TRPC1: variants seen among roughly 807,000 people sequenced by gnomAD.
The protein encoded by TRPC1 is transient receptor potential cation channel subfamily C member 1, also known as short transient receptor potential channel 1.
A neutral mutation model predicts 88.2 loss-of-function variants in TRPC1; 42 were observed. The ratio of observed to expected loss-of-function variants is 0.48; its 90% CI spans 0.37 to 0.62. The LOEUF is 0.62. Among genes scored for constraint, TRPC1 ranks in the 20% least tolerant of loss-of-function variants. The pLI is 0.00. For missense variants in TRPC1, 699 were observed against 957.3 expected (o/e 0.73, Z 3.56); for synonymous variants, 288 against 331.8 (o/e 0.87, Z 1.43).
chr3:142,739,526 A>AT (rs1217687942), intron 2 of TRPC1, among the ~76,000 whole-genome samples: 2 of 152,208 alleles, frequency 1.3e-5, no homozygotes, highest in East Asian at 3.8e-4. Flanking sequence ...TTGATTTAGC[A>AT]TTTTTGAACA....
In TRPC1 at chr3:142,785,049, C is replaced by CA. The variant is rs1560113890; in HGVS notation, c.1297+11dup. 6.4e-7 allele frequency: 1 copy of CA among 1,572,106 alleles called. No homozygotes were observed. The highest frequency in any genetic ancestry group is 1.9e-5 in the Admixed American group (1 of 53,268). On this transcript the variant is annotated intron_variant, in intron 7 of 12. Coordinates refer to ENST00000476941, the MANE Select transcript of TRPC1 (RefSeq NM_001251845.2). ...TATTCTGTGGATTATTGGTAAGTAT[C>CA]AAGTTAGTTTGAAAGGTTTTGTCTT...
intron 2 of TRPC1, among the ~76,000 whole-genome samples, chr3:142,737,148 G>T (rs539502288): frequency 1.3e-5 from 2 of 151,896 alleles, no homozygotes; most frequent in South Asian, 2.1e-4. Flanking sequence ...GATTCTGAAG[G>T]GAATTTGATA....
At chr3:142,802,145 AC>A (rs754597048) in intron 9 of TRPC1, 23 bp from the exon 10 acceptor site, 36 of 1,432,314 alleles carry the variant, frequency 2.5e-5, no homozygotes, top group Non-Finnish European at 2.5e-5. Flanking sequence ...ATCTTAATGA[AC>A]ACCTGTGTAA....
intron 7 of TRPC1, among the ~76,000 whole-genome samples, chr3:142,790,302 A>G (rs1202898631): frequency 1.3e-5 from 2 of 152,104 alleles, no homozygotes; most frequent in Non-Finnish European, 2.9e-5. Context: ...CAGAGAGGAT[A>G]GGTAATTTGG....
chr3:142,756,238 T>C (rs1374988489), intron 4 of TRPC1, among the ~76,000 whole-genome samples: 1 of 152,196 alleles, frequency 6.6e-6, no homozygotes, highest in East Asian at 1.9e-4. Flanking sequence ...ATGTTTTTAT[T>C]TTTGTTGGGT....
chr3:142,729,120 G>T (rs932307810), intron 1 of TRPC1, among the ~76,000 whole-genome samples: 2 of 152,188 alleles, frequency 1.3e-5, no homozygotes, highest in African/African-American at 4.8e-5. Flanking sequence ...ACGGTTCAGG[G>T]ATACTTTAAC....
At chr3:142,774,502 C>A (rs1935687394) in intron 4 of TRPC1, among the ~76,000 whole-genome samples, 1 of 152,066 alleles carries the variant, frequency 6.6e-6, no homozygotes, top group African/African-American at 2.4e-5. Flanking sequence ...ATTTTGGCAC[C>A]CTGGCATGAA....
intron 4 of TRPC1, among the ~76,000 whole-genome samples, chr3:142,772,573 A>C (rs767957934): frequency 6.6e-6 from 1 of 152,152 alleles, no homozygotes; most frequent in African/African-American, 2.4e-5. Flanking sequence ...AGGCGGGTGA[A>C]TCACCTGAGA....
intron 4 of TRPC1, among the ~76,000 whole-genome samples, chr3:142,753,625 C>T (rs112763422): frequency 0.013 from 1,901 of 147,916 alleles, 50 homozygotes; most frequent in East Asian, 0.093. Context: ...ATTAGCTGGG[C>T]GTGGTGGCAT....
chr3:142,745,682 C>T (rs925176049), intron 3 of TRPC1, among the ~76,000 whole-genome samples: 1 of 152,164 alleles, frequency 6.6e-6, no homozygotes, highest in African/African-American at 2.4e-5. Context: ...TCTACTCTGT[C>T]TCTAACAAAT....
At chr3:142,762,922 A>G (rs936959590) in intron 4 of TRPC1, among the ~76,000 whole-genome samples, 1 of 152,038 alleles carries the variant, frequency 6.6e-6, no homozygotes, top group Non-Finnish European at 1.5e-5. Context: ...TAATTTCTTC[A>G]TTGACCCATT....
intron 4 of TRPC1, among the ~76,000 whole-genome samples, chr3:142,752,325 A>G (rs1352735856): frequency 1.3e-5 from 2 of 152,296 alleles, no homozygotes; most frequent in African/African-American, 4.8e-5. Context: ...AAAAGAATCT[A>G]TATCATGATT....
At chr3:142,779,655 A>C (rs547626875) in intron 5 of TRPC1, among the ~76,000 whole-genome samples, 1 of 152,190 alleles carries the variant, frequency 6.6e-6, no homozygotes, top group Admixed American at 6.5e-5. Context: ...TATGATTTTT[A>C]TATAGCCAGT....
At chr3:142,801,986 T>C (rs1378871158) in intron 9 of TRPC1, among the ~76,000 whole-genome samples, 183 bp from the exon 10 acceptor site, 1 of 152,134 alleles carries the variant, frequency 6.6e-6, no homozygotes, top group Non-Finnish European at 1.5e-5. Flanking sequence ...ATGATTAGAA[T>C]GACTTTTTGT....
At position 142,781,010 on chromosome 3, in the gene TRPC1, T is replaced by G. The variant is rs773736767; in HGVS notation, c.941T>G (p.Ile314Ser). The G allele has an allele frequency of 2.1e-5, 34 of 1,612,180 alleles. No individual in the cohort carries two copies. The highest frequency in any genetic ancestry group is 2.8e-5 in the Non-Finnish European group (33 of 1,179,264). The stretch of plus-strand genomic sequence containing the variant: ...AATTTAAGTCGTCTAAAACTTGCTA[T>G]CAAATATAACCAGAAAGAGGTATGA... The part of the protein sequence containing the change: ...RMNLSRLKLA[I>S]KYNQKEFVSQ... Residue 314 changes from isoleucine to serine, a missense_variant, in exon 6 of 13, where the codon ATC becomes AGC. This residue lies in a region of TRPC1 where 426 missense variants were observed against 641.3 expected (regional missense o/e 0.66). Coordinates refer to ENST00000476941, the MANE Select transcript of TRPC1 (RefSeq NM_001251845.2).
At position 142,806,228 on chromosome 3, in the gene TRPC1, G is replaced by T. The variant is rs779282312; in HGVS notation, c.2375G>T (p.Arg792Ile). The change falls in exon 13 of 13, where the codon AGA (arginine) becomes ATA (isoleucine). Residue 792 changes from arginine to isoleucine, a missense_variant. Around this residue, in one of 4 missense-constraint regions of TRPC1, gnomAD observed 105 missense variants for 141.7 expected, o/e 0.74. Transcript: ENST00000476941. ...TCTAAATATGCTATGTTTTATCCAA[G>T]AAATTAACCATTTTCTAAATCATGG... ...RTSKYAMFYP[R>I]N 6.3e-7 allele frequency: 1 copy of T among 1,596,990 alleles called. No individual in the cohort carries two copies. Among genetic ancestry groups the T allele is most frequent in the Non-Finnish European group, 8.6e-7 (1 of 1,167,568 alleles).
At chr3:142,758,464 C>T (rs563085345) in intron 4 of TRPC1, among the ~76,000 whole-genome samples, 2 of 152,178 alleles carry the variant, frequency 1.3e-5, no homozygotes, top group South Asian at 4.2e-4. Flanking sequence ...AGATCTTTTG[C>T]CCATTGTAAA....
At chr3:142,793,847 A>G (rs776364350) in intron 9 of TRPC1, 5 of 985,052 alleles carry the variant, frequency 5.1e-6, no homozygotes, top group Middle Eastern at 1.0e-3. Context: ...CAGGGATATG[A>G]AAATAAAATA....
At chr3:142,746,207 C>T (rs1233156078) in intron 3 of TRPC1, among the ~76,000 whole-genome samples, 1 of 152,150 alleles carries the variant, frequency 6.6e-6, no homozygotes, top group Non-Finnish European at 1.5e-5. Context: ...TCAATGAATT[C>T]ATTCTGTATT....
Sources: gnomAD v4.1 joint callset for allele counts (sites outside exome capture counted in the v4.1 genomes callset) on GRCh38, gnomAD v4.1.1 for gene constraint, gnomAD v4.1.1 regional missense constraint, MANE v1.5 for transcripts, NCBI Gene and HGNC (gene_info 2026-07-23, HGNC 2026-07-21) for gene names.